AGBL1: variants seen among roughly 807,000 people sequenced by gnomAD.
AGBL1 encodes cytosolic carboxypeptidase 4.
Under a neutral mutation model 118.9 loss-of-function variants are expected in AGBL1, and 130 were observed. The ratio of observed to expected loss-of-function variants is 1.09; its 90% CI spans 0.95 to 1.26. The LOEUF (loss-of-function observed/expected upper bound fraction) is 1.26, where lower values mean the gene tolerates loss of function less well. Ranked by LOEUF, AGBL1 falls within the 50% of genes most tolerant of loss-of-function variation. AGBL1 has a pLI of 0.00. For synonymous variants in AGBL1, 555 were observed against 478.9 expected (o/e 1.16, Z -2.08); for missense variants, 1,584 against 1,298.1 (o/e 1.22, Z -3.38).
intron 22 of AGBL1, among the ~76,000 whole-genome samples, chr15:86,878,227 C>T (rs745532916): frequency 2.6e-5 from 4 of 152,176 alleles, no homozygotes; most frequent in Non-Finnish European, 5.9e-5. Context: ...CTGGGCTTGA[C>T]AAAGTTCTTC....
At chr15:86,458,402 C>A (rs1176551393) in intron 18 of AGBL1, among the ~76,000 whole-genome samples, 1 of 152,126 alleles carries the variant, frequency 6.6e-6, no homozygotes, top group African/African-American at 2.4e-5. Flanking sequence ...CATCAATTTT[C>A]TTTCTCTCTT....
chr15:86,446,873 A>G (rs1377994475), intron 18 of AGBL1, among the ~76,000 whole-genome samples: 2 of 152,238 alleles, frequency 1.3e-5, no homozygotes, highest in Non-Finnish European at 2.9e-5. Flanking sequence ...CTTTCTAAGC[A>G]TTATTTTATA....
At chr15:86,778,877 G>A (rs1056458219) in intron 22 of AGBL1, among the ~76,000 whole-genome samples, 15 of 152,294 alleles carry the variant, frequency 9.8e-5, no homozygotes, top group Non-Finnish European at 1.6e-4. Context: ...AAGTGTCCAT[G>A]AAATCTTCAC....
At chr15:86,469,961 A>G (rs1215047895) in intron 18 of AGBL1, among the ~76,000 whole-genome samples, 1 of 152,078 alleles carries the variant, frequency 6.6e-6, no homozygotes, top group Non-Finnish European at 1.5e-5. Context: ...TTCCTTATAT[A>G]TTTTGGATGT....
intron 22 of AGBL1, among the ~76,000 whole-genome samples, chr15:86,795,286 A>C (rs1304245721): frequency 6.6e-6 from 1 of 152,112 alleles, no homozygotes; most frequent in African/African-American, 2.4e-5. Flanking sequence ...ACGGAGGCTG[A>C]TTGGTGGAGC....
chr15:86,505,749 T>C (rs575942867), intron 18 of AGBL1, among the ~76,000 whole-genome samples: 4 of 152,144 alleles, frequency 2.6e-5, no homozygotes, highest in Admixed American at 2.0e-4. Flanking sequence ...ATTTAAGTCT[T>C]AGACAGTAAG....
chr15:86,953,404 T>A (rs1201579117), intron 23 of AGBL1, among the ~76,000 whole-genome samples: 1 of 151,446 alleles, frequency 6.6e-6, no homozygotes, highest in Non-Finnish European at 1.5e-5. Flanking sequence ...ATTTGGATTT[T>A]TTTTTTTTTT....
chr15:86,928,598 A>G (rs1275533814), intron 23 of AGBL1, among the ~76,000 whole-genome samples: 1 of 152,128 alleles, frequency 6.6e-6, no homozygotes, highest in East Asian at 1.9e-4. Flanking sequence ...CTTAACAACA[A>G]CGATGCTCTA....
intron 18 of AGBL1, among the ~76,000 whole-genome samples, chr15:86,475,291 G>A (rs1202671157): frequency 6.6e-6 from 1 of 152,168 alleles, no homozygotes; most frequent in African/African-American, 2.4e-5. Context: ...AAAGAAGGAA[G>A]TTCGAACCCA....
chr15:86,362,607 A>C lies in AGBL1; in HGVS notation c.2375-34759A>C, dbSNP rs569726511. 1.1e-4 allele frequency among the ~76,000 whole-genome samples: 17 copies of C among 152,290 alleles called. No individual in the cohort carries two copies. In the East Asian group the frequency reaches 3.1e-3, roughly 28 times the overall value. Reference sequence around the variant, plus strand: ...TACTGGCCCTGGACTGCAGCAGAGCAGGACTGAAACAGAATCTCAGGTCTG... The same window carrying C: ...TACTGGCCCTGGACTGCAGCAGAGCCGGACTGAAACAGAATCTCAGGTCTG... On this transcript the variant is annotated intron_variant, in intron 17 of 22. Transcript: ENST00000614907.
At chr15:86,667,375 CT>C (rs1211612390) in intron 21 of AGBL1, among the ~76,000 whole-genome samples, 1 of 151,848 alleles carries the variant, frequency 6.6e-6, no homozygotes, top group African/African-American at 2.4e-5. Context: ...AATTATGAAA[CT>C]TTTTCTTGTT....
chr15:86,495,480 A>G, intron 18 of AGBL1, among the ~76,000 whole-genome samples: 1 of 151,418 alleles, frequency 6.6e-6, no homozygotes, highest in South Asian at 2.1e-4. Context: ...AAGTAGTTTG[A>G]TAAGCATTAT....
intron 5 of AGBL1, among the ~76,000 whole-genome samples, chr15:86,222,783 T>C (rs1172955637): frequency 6.6e-6 from 1 of 152,252 alleles, no homozygotes; most frequent in Non-Finnish European, 1.5e-5. Context: ...TTTGGATTAA[T>C]ATTTATTTAG....
At chr15:86,642,678 A>G (rs1225741881) in intron 21 of AGBL1, among the ~76,000 whole-genome samples, 3 of 152,036 alleles carry the variant, frequency 2.0e-5, no homozygotes, top group African/African-American at 4.8e-5. Context: ...TATAAACACT[A>G]TTTATTGATG....
chr15:86,825,898 TAGATAGATA>T (rs1408057672), intron 22 of AGBL1, among the ~76,000 whole-genome samples: 1 of 44,508 alleles, frequency 2.2e-5, no homozygotes, highest in Non-Finnish European at 6.0e-5. Context: ...GATAGATAGA[TAGATAGATA>T]GATAGATAGA....
chr15:86,668,318 AACTC>A (rs1405996663), intron 21 of AGBL1, among the ~76,000 whole-genome samples: 1 of 152,190 alleles, frequency 6.6e-6, no homozygotes, highest in East Asian at 1.9e-4. Context: ...TGAACAGTCT[AACTC>A]ACAATTTTGG....
At chr15:86,520,096 G>C (rs562242166) in intron 18 of AGBL1, among the ~76,000 whole-genome samples, 5 of 152,138 alleles carry the variant, frequency 3.3e-5, no homozygotes, top group Middle Eastern at 3.4e-3. Context: ...CATTCACCCT[G>C]CATATAGCTA....
intron 8 of AGBL1, 28 bp from the exon 9 acceptor site, chr15:86,257,936 C>A: frequency 1.2e-6 from 2 of 1,607,674 alleles, no homozygotes; most frequent in South Asian, 2.2e-5. Flanking sequence ...GGAAACTTCA[C>A]TTATTTCACC....
intron 22 of AGBL1, among the ~76,000 whole-genome samples, chr15:86,740,491 C>T (rs935268504): frequency 3.3e-5 from 5 of 152,030 alleles, no homozygotes; most frequent in African/African-American, 4.8e-5. Flanking sequence ...TGCTAACATG[C>T]GAGTAGATTC....
Sources: gnomAD v4.1 joint callset for allele counts (sites outside exome capture counted in the v4.1 genomes callset) on GRCh38, gnomAD v4.1.1 for gene constraint, MANE v1.5 for transcripts, NCBI Gene and HGNC (gene_info 2026-07-23, HGNC 2026-07-21) for gene names.